The following CD163L1 variants were observed in gnomAD, a reference collection of about 807,000 sequenced individuals.
The protein encoded by CD163L1 is CD163 molecule like 1, also known as scavenger receptor cysteine-rich type 1 protein M160.
In CD163L1, 124 loss-of-function variants were observed where a neutral mutation model predicts 165.4. The observed-to-expected ratio is 0.75, with a 90% CI of 0.65 to 0.87. CD163L1 has a LOEUF of 0.87. Ranked by LOEUF, CD163L1 falls within the 40% of genes least tolerant of loss-of-function variation. The pLI is 0.00. For synonymous variants in CD163L1, 585 were observed against 662.2 expected, an observed-to-expected ratio of 0.88 and a Z score of 1.79; for missense variants, 1,525 against 1,799.9, an observed-to-expected ratio of 0.85 and a Z score of 2.76.
chr12:7,328,451 C>A, the CD163L1 span: 61 of 1,140,664 alleles, frequency 5.3e-5, no homozygotes, highest in Non-Finnish European at 7.1e-5. Flanking sequence ...TCAGCGACTA[C>A]TCTCTTAAAA....
chr12:7,338,171 G>A, the CD163L1 span, among the ~76,000 whole-genome samples: 1 of 152,102 alleles, frequency 6.6e-6, no homozygotes, highest in Non-Finnish European at 1.5e-5. Context: ...GTCGGAGGAA[G>A]AAGGGCAAGG....
At chr12:7,403,914 C>T (rs1464427255) in intron 5 of CD163L1, 59 bp from the exon 6 acceptor site, 1 of 1,432,794 alleles carries the variant, frequency 7.0e-7, no homozygotes, top group East Asian at 2.3e-5. Flanking sequence ...CATCAGCATC[C>T]CTCTCCTCCA....
chr12:7,356,806 T>C (rs1048031716), intron 19 of CD163L1, among the ~76,000 whole-genome samples: 3 of 152,122 alleles, frequency 2.0e-5, no homozygotes, highest in Non-Finnish European at 2.9e-5. Flanking sequence ...CCAGTAAGTG[T>C]TTTAGAACTG....
intron 4 of CD163L1, among the ~76,000 whole-genome samples, chr12:7,349,657 T>C (rs1448992117): frequency 6.6e-6 from 1 of 152,192 alleles, no homozygotes; most frequent in East Asian, 1.9e-4. Flanking sequence ...AGCGGGCAGA[T>C]ACATTTCTTT....
chr12:7,419,389 A>G (rs773396676), intron 4 of CD163L1, among the ~76,000 whole-genome samples: 62 of 152,294 alleles, frequency 4.1e-4, no homozygotes, highest in Non-Finnish European at 6.9e-4. Context: ...TGGCAAACCC[A>G]CAGCCAACAT....
chr12:7,364,423 T>C (rs1946968631), intron 18 of CD163L1, among the ~76,000 whole-genome samples: 3 of 152,132 alleles, frequency 2.0e-5, no homozygotes, highest in African/African-American at 7.2e-5. Flanking sequence ...AACATAATAC[T>C]GGAAGTCCCA....
intron 2 of CD163L1, chr12:7,440,014 G>A (rs998374065): frequency 4.1e-6 from 6 of 1,455,144 alleles, no homozygotes; most frequent in Admixed American, 2.0e-5. Context: ...AACCGCCGAG[G>A]AAAACCCGCT....
At chr12:7,356,530 C>G (rs1439431724) in intron 19 of CD163L1, among the ~76,000 whole-genome samples, 1 of 152,074 alleles carries the variant, frequency 6.6e-6, no homozygotes, top group Non-Finnish European at 1.5e-5. Context: ...TCTTTGCTCC[C>G]TGGCATTTAT....
chr12:7,323,930 A>T, the CD163L1 span, among the ~76,000 whole-genome samples: 38 of 152,252 alleles, frequency 2.5e-4, no homozygotes, highest in African/African-American at 8.7e-4. Flanking sequence ...TAATTTCAGC[A>T]CTTTAGGAGG....
At position 7,372,819 on chromosome 12, in the gene CD163L1, A is replaced by G. The variant is rs1400909163; in HGVS notation, c.3730+501T>C. 6.6e-6 allele frequency among the ~76,000 whole-genome samples: 1 copy of G among 152,008 alleles called. No homozygotes were observed. The highest frequency in any genetic ancestry group is 1.5e-5 in the Non-Finnish European group (1 of 67,962). ...GCATTTTATTATTTATAATTGTACA[A>G]TTTCTAAAATCTCTACAATAAACAT... is the stretch of plus-strand genomic sequence containing the variant. On this transcript the variant is annotated intron_variant, in intron 14 of 19. Coordinates refer to ENST00000313599, the MANE Select transcript of CD163L1 (RefSeq NM_174941.6). This position sits in a 1 kb window ranked among gnomAD's most constrained non-coding sequence, Gnocchi z 4.2.
At chr12:7,375,082 C>T (rs920716670) in intron 11 of CD163L1, among the ~76,000 whole-genome samples, 159 bp from the exon 12 acceptor site, 8 of 152,124 alleles carry the variant, frequency 5.3e-5, no homozygotes, top group Non-Finnish European at 5.9e-5. Context: ...ACTCGTAAAT[C>T]CCAAACACAG....
chr12:7,425,255 T>A (rs1170681939), intron 4 of CD163L1, among the ~76,000 whole-genome samples: 3 of 152,110 alleles, frequency 2.0e-5, no homozygotes, highest in East Asian at 3.9e-4. Context: ...GTTTAACAAA[T>A]GATGCTGGGA....
At chr12:7,423,135 G>C (rs1438622088) in intron 4 of CD163L1, among the ~76,000 whole-genome samples, 1 of 151,810 alleles carries the variant, frequency 6.6e-6, no homozygotes, top group Non-Finnish European at 1.5e-5. Context: ...AGTCTCTCAG[G>C]CCACTGTGCA....
Position 7,398,539 on chromosome 12 carries a change from CAG to C in CD163L1, c.1452_1453del (p.Cys485LeufsTer18), listed in dbSNP as rs779564639. The C allele has an allele frequency of 1.4e-4, 219 of 1,609,578 alleles. No individual in the cohort carries two copies. Among genetic ancestry groups the C allele is most frequent in the Non-Finnish European group, 1.8e-4 (217 of 1,177,766 alleles). ...GTATTTCACCTCCAATCTCCCATAA[CAG>C]GGGCTATGAGCCCCGACAAGCCTTA... On this transcript the variant is annotated frameshift_variant, in exon 7 of 20. Transcript: ENST00000313599. LOFTEE classifies it high-confidence loss of function. The surrounding 1 kb of genome is among the most constrained non-coding windows in gnomAD (Gnocchi z 4.5).
Position 7,398,637 on chromosome 12 carries a change from G to A in CD163L1, c.1409-53C>T. On this transcript the variant is annotated intron_variant, in intron 6 of 19. Coordinates refer to ENST00000313599, the MANE Select transcript of CD163L1 (RefSeq NM_174941.6). This position sits in a 1 kb window ranked among gnomAD's most constrained non-coding sequence, Gnocchi z 4.5. The stretch of plus-strand genomic sequence containing the variant: ...GAGATCAAATGAGAGAGTCTTTTCA[G>A]AAGACTGAAAAGACTCTCTAAATTC... 1 of 1,455,398 alleles carries A rather than the reference G, an allele frequency of 6.9e-7. No individual in the cohort carries two copies. 90.2% of individuals were successfully genotyped at this position (1,455,398 alleles called of 1,614,324 possible).
intron 18 of CD163L1, among the ~76,000 whole-genome samples, chr12:7,365,059 A>G (rs1946984186): frequency 6.6e-6 from 1 of 152,094 alleles, no homozygotes. Context: ...TCAGCATGGT[A>G]CTAAAACAGA....
intron 5 of CD163L1, among the ~76,000 whole-genome samples, chr12:7,405,686 T>C (rs1195587881): frequency 6.6e-6 from 1 of 152,164 alleles, no homozygotes; most frequent in Non-Finnish European, 1.5e-5. Context: ...TCAAATTCTA[T>C]AGGAAATAAG....
At chr12:7,386,429 A>G (rs1467599755) in intron 8 of CD163L1, among the ~76,000 whole-genome samples, 2 of 152,004 alleles carry the variant, frequency 1.3e-5, no homozygotes, top group African/African-American at 2.4e-5. Context: ...AACTATTCCA[A>G]AAAAATCAAA....
chr12:7,421,515 A>G (rs1173821087), intron 4 of CD163L1, among the ~76,000 whole-genome samples: 5 of 133,006 alleles, frequency 3.8e-5, no homozygotes, highest in African/African-American at 6.2e-5. Context: ...ATACATATAC[A>G]TATATGTACA....
Sources: gnomAD v4.1 joint callset for allele counts (sites outside exome capture counted in the v4.1 genomes callset) on GRCh38, gnomAD v4.1.1 for gene constraint, Gnocchi (gnomAD v3.1) non-coding constraint, MANE v1.5 for transcripts, NCBI Gene and HGNC (gene_info 2026-07-23, HGNC 2026-07-21) for gene names.